The following USP34 variants were observed in gnomAD, a reference collection of about 807,000 sequenced individuals.
USP34 encodes the protein ubiquitin carboxyl-terminal hydrolase 34.
A neutral mutation model predicts 460.3 loss-of-function variants in USP34; 70 were observed. The observed-to-expected ratio is 0.15, with a 90% CI of 0.13 to 0.19. USP34 has a LOEUF of 0.19. Among genes scored for constraint, USP34 ranks in the 10% least tolerant of loss-of-function variants. USP34 has a pLI of 1.00. For missense variants in USP34, 3,985 were observed against 4,236.2 expected (o/e 0.94, Z 1.65); for synonymous variants, 1,647 against 1,405.3 (o/e 1.17, Z -3.85).
chr2:61,280,414 G>C (rs1452505256), intron 38 of USP34, 66 bp from the exon 39 acceptor site: 1 of 747,812 alleles, frequency 1.3e-6, no homozygotes, highest in Non-Finnish European at 2.0e-6. Context: ...ATACATTTAA[G>C]AAACTAGAGG....
At chr2:61,317,968 G>T (rs1690801372) in intron 22 of USP34, among the ~76,000 whole-genome samples, 1 of 152,110 alleles carries the variant, frequency 6.6e-6, no homozygotes, top group Non-Finnish European at 1.5e-5. Context: ...AAGGCAGGCA[G>T]ATCGCTTGAG....
intron 14 of USP34, 45 bp downstream of exon 14, chr2:61,348,711 G>A: frequency 6.3e-7 from 1 of 1,586,236 alleles, no homozygotes; most frequent in Non-Finnish European, 8.6e-7. Flanking sequence ...AAACACGCCA[G>A]AAAGCCAAAA....
chr2:61,257,693 T>C (rs141976940), intron 44 of USP34, among the ~76,000 whole-genome samples: 52 of 151,750 alleles, frequency 3.4e-4, no homozygotes, highest in Middle Eastern at 6.8e-3. Context: ...GGTCAAGAGA[T>C]TGAGACCATC....
At chr2:61,321,556 T>C (rs934743832) in intron 21 of USP34, among the ~76,000 whole-genome samples, 2 of 152,208 alleles carry the variant, frequency 1.3e-5, no homozygotes, top group Non-Finnish European at 2.9e-5. Flanking sequence ...TCATACAACA[T>C]TTTGGCCCTA....
At chr2:61,295,072 G>T (rs1367672087) in intron 31 of USP34, 40 bp from the exon 32 acceptor site, 3 of 1,602,916 alleles carry the variant, frequency 1.9e-6, no homozygotes, top group Non-Finnish European at 2.6e-6. Flanking sequence ...AATGGCGGAA[G>T]AAAGAATTAT....
In USP34 at chr2:61,187,862, G is replaced by A; in HGVS notation, c.*240C>T. On this transcript the variant is annotated 3_prime_UTR_variant, in exon 80 of 80. Coordinates refer to ENST00000398571, the MANE Select transcript of USP34 (RefSeq NM_014709.4). ...CATATTAAATGAAAGCCACTAAAGT[G>A]AACTCTTAATTACATAAAACATATC... The A allele has an allele frequency of 7.6e-7, 1 of 1,309,598 alleles. No homozygotes were observed. Among genetic ancestry groups the A allele is most frequent in the Non-Finnish European group, 9.8e-7 (1 of 1,016,120 alleles). 81.1% of individuals were successfully genotyped at this position (1,309,598 alleles called of 1,614,324 possible).
intron 1 of USP34, among the ~76,000 whole-genome samples, chr2:61,463,009 G>A (rs1242667394): frequency 1.3e-5 from 2 of 151,678 alleles, no homozygotes; most frequent in Non-Finnish European, 2.9e-5. Flanking sequence ...CAGCCTGGAT[G>A]ACAGAATAAG....
intron 1 of USP34, among the ~76,000 whole-genome samples, chr2:61,448,497 C>T (rs928061619): frequency 1.3e-5 from 2 of 152,182 alleles, no homozygotes; most frequent in Admixed American, 6.5e-5. Flanking sequence ...ATCTTGACAA[C>T]TCTTTGACAG....
chr2:61,458,161 A>G (rs1243579310), intron 1 of USP34, among the ~76,000 whole-genome samples: 1 of 152,210 alleles, frequency 6.6e-6, no homozygotes, highest in Non-Finnish European at 1.5e-5. Flanking sequence ...ATAATTCTAA[A>G]TTGTGGTAAA....
intron 18 of USP34, among the ~76,000 whole-genome samples, chr2:61,338,636 G>A (rs1464738722): frequency 1.3e-5 from 2 of 152,094 alleles, no homozygotes; most frequent in Non-Finnish European, 2.9e-5. Flanking sequence ...CTACATTAGA[G>A]AATGGAACAC....
chr2:61,440,593 C>T (rs1329611955), intron 1 of USP34, among the ~76,000 whole-genome samples: 1 of 151,310 alleles, frequency 6.6e-6, no homozygotes, highest in South Asian at 2.1e-4. Context: ...TCTCCGCTCA[C>T]TGCAACCTCC....
intron 16 of USP34, 145 bp downstream of exon 16, chr2:61,343,670 G>GAAACATAAAAA: frequency 1.9e-6 from 1 of 514,184 alleles, no homozygotes; most frequent in African/African-American, 2.1e-5. Flanking sequence ...TCCCTTGGGG[G>GAAACATAAAAA]AAAAAAAAAA....
chr2:61,294,711 T>C (rs1272092838), intron 32 of USP34, among the ~76,000 whole-genome samples: 7 of 152,122 alleles, frequency 4.6e-5, no homozygotes, highest in Non-Finnish European at 1.0e-4. Context: ...TGAGCCACCA[T>C]GCCAGGACTC....
At chr2:61,315,493 C>A (rs1426235334) in intron 23 of USP34, among the ~76,000 whole-genome samples, 1 of 152,032 alleles carries the variant, frequency 6.6e-6, no homozygotes, top group Non-Finnish European at 1.5e-5. Context: ...CATGCCTTAG[C>A]CTCCTAAGTA....
intron 28 of USP34, 82 bp downstream of exon 28, chr2:61,301,272 T>A: frequency 2.0e-6 from 3 of 1,522,116 alleles, no homozygotes; most frequent in South Asian, 2.5e-5. Flanking sequence ...CAATAAGAGC[T>A]GTTTTTAAAC....
chr2:61,201,710 C>CAA (rs1686982911), intron 75 of USP34, among the ~76,000 whole-genome samples: 1 of 152,112 alleles, frequency 6.6e-6, no homozygotes, highest in Non-Finnish European at 1.5e-5. Flanking sequence ...CTTGGGTTGA[C>CAA]AAGACAACCC....
At chr2:61,231,835 G>A (rs944447602) in intron 58 of USP34, among the ~76,000 whole-genome samples, 10 of 149,386 alleles carry the variant, frequency 6.7e-5, no homozygotes, top group South Asian at 4.2e-4. Context: ...ACATATATAT[G>A]TATGTTCTAT....
intron 27 of USP34, among the ~76,000 whole-genome samples, chr2:61,308,246 C>A (rs898317862): frequency 1.3e-4 from 20 of 151,950 alleles, no homozygotes; most frequent in African/African-American, 4.8e-4. Flanking sequence ...TAGACACCAA[C>A]AGAATGAACA....
rs769368461 is a variant in USP34 at position 61,311,426 on chromosome 2, CAAGAA to C, written c.3817+109_3817+113del. On this transcript the variant is annotated intron_variant, in intron 27 of 79. Transcript: ENST00000398571. ...CAAGACAGTTGCTATATGATATAAC[CAAGAA>C]AGAAAAGAAAAGGAGAATAAAAGAA... 401 of 1,016,792 alleles carry C rather than the reference CAAGAA, an allele frequency of 3.9e-4. 1 individual carries two copies. Among genetic ancestry groups the C allele is most frequent in the Middle Eastern group, 2.0e-3 (6 of 2,998 alleles). 63.0% of individuals were successfully genotyped at this position (1,016,792 alleles called of 1,614,324 possible). A position where few individuals can be genotyped will look rare whatever the true frequency, so the allele number is the denominator to read the frequency against.
Sources: gnomAD v4.1 joint callset for allele counts (sites outside exome capture counted in the v4.1 genomes callset) on GRCh38, gnomAD v4.1.1 for gene constraint, MANE v1.5 for transcripts, NCBI Gene and HGNC (gene_info 2026-07-23, HGNC 2026-07-21) for gene names.